Variants in LINGO1 observed in about 807,000 individuals in gnomAD.
LINGO1 encodes the protein leucine rich repeat and Ig domain containing 1, also known as leucine-rich repeat and immunoglobulin-like domain-containing nogo receptor-interacting protein 1.
In LINGO1, 11 loss-of-function variants were observed where a neutral mutation model predicts 37.3. That is an observed-to-expected ratio of 0.29 (90% CI 0.19 to 0.49). LINGO1 has a LOEUF of 0.49. Ranked by LOEUF, LINGO1 falls within the 20% of genes least tolerant of loss-of-function variation. The probability of loss-of-function intolerance (pLI) is 0.99; values close to 1 mark genes in which losing one functional copy is unlikely to be tolerated. For synonymous variants in LINGO1, 387 were observed against 403.0 expected (o/e 0.96, Z 0.48); for missense variants, 585 against 878.2 (o/e 0.67, Z 4.22).
chr15:77,718,317 G>A (rs1039500177), intron 2 of LINGO1, among the ~76,000 whole-genome samples: 4 of 150,890 alleles, frequency 2.7e-5, no homozygotes, highest in South Asian at 4.2e-4. Flanking sequence ...GAATGCACAC[G>A]CTCATGCATA....
chr15:77,659,220 G>A (rs775427010), intron 3 of LINGO1, among the ~76,000 whole-genome samples: 4 of 152,138 alleles, frequency 2.6e-5, no homozygotes, highest in Non-Finnish European at 5.9e-5. Context: ...GGCTGGTCAT[G>A]GCTCTGTACA....
chr15:77,761,932 AG>A (rs1466834454), intron 1 of LINGO1, among the ~76,000 whole-genome samples: 1 of 152,180 alleles, frequency 6.6e-6, no homozygotes, highest in East Asian at 1.9e-4. Context: ...TGAGTGATGG[AG>A]TGAGGCCGGG....
chr15:77,768,397 C>T (rs1370431279), intron 1 of LINGO1, among the ~76,000 whole-genome samples: 3 of 152,194 alleles, frequency 2.0e-5, no homozygotes, highest in East Asian at 1.9e-4. Context: ...AAATATTTTT[C>T]GAGTGCCTCC....
At chr15:77,698,510 G>A (rs1030356811), upstream of LINGO1, among the ~76,000 whole-genome samples, 1 of 152,228 alleles carries the variant, frequency 6.6e-6, no homozygotes, top group African/African-American at 2.4e-5. Context: ...GTTGGGGAAG[G>A]GGCGGGGTCA....
chr15:77,801,242 C>G (rs1054686766), intron 1 of LINGO1, among the ~76,000 whole-genome samples: 2 of 152,042 alleles, frequency 1.3e-5, no homozygotes, highest in Non-Finnish European at 1.5e-5. Context: ...CTGGTAAGAC[C>G]GAAAAAGAAA....
chr15:77,747,662 G>A (rs902692042), intron 1 of LINGO1, among the ~76,000 whole-genome samples: 3 of 152,228 alleles, frequency 2.0e-5, no homozygotes, highest in African/African-American at 4.8e-5. Context: ...GGGGAGGGGA[G>A]TGGAAGAAGG....
chr15:77,817,988 G>T lies in LINGO1; in HGVS notation c.-458+2270C>A, dbSNP rs559532640. On this transcript the variant is annotated intron_variant, in intron 1 of 5. Transcript: ENST00000562933. ...CAGAGACCCAGGTAGATACTGACTGGTCCAGCCACCACACCCCTCCACACA... is the reference window on the plus strand; with the variant it reads ...CAGAGACCCAGGTAGATACTGACTGTTCCAGCCACCACACCCCTCCACACA... Among the ~76,000 whole-genome samples, 13 of 152,266 alleles carry T rather than the reference G, an allele frequency of 8.5e-5. 1 individual carries two copies. The South Asian group carries it at 2.5e-3, about 29-fold the overall frequency.
intron 1 of LINGO1, among the ~76,000 whole-genome samples, chr15:77,776,645 A>G (rs898599323): frequency 5.9e-5 from 9 of 152,060 alleles, no homozygotes; most frequent in Non-Finnish European, 1.3e-4. Context: ...ATGGCTGTGC[A>G]GGAGGCTGGT....
intron 1 of LINGO1, among the ~76,000 whole-genome samples, chr15:77,623,069 C>T (rs1311638115): frequency 1.3e-5 from 2 of 152,200 alleles, no homozygotes; most frequent in Non-Finnish European, 2.9e-5. Flanking sequence ...CAGACGCACC[C>T]ACATCAAAGG....
At position 77,800,635 on chromosome 15, in the gene LINGO1, C is replaced by T. The variant is rs548992391; in HGVS notation, c.-457-4582G>A. On this transcript the variant is annotated intron_variant, in intron 1 of 5. Transcript: ENST00000562933. ...ATAAAATTCTTATTTGAAATGAAAT[C>T]TGATGCAGTGGAGGAAGCGTTTATA... Among the ~76,000 whole-genome samples, 14 of 152,314 alleles carry T rather than the reference C, an allele frequency of 9.2e-5. No individual in the cohort carries two copies. The South Asian group carries it at 2.7e-3, about 29-fold the overall frequency.
chr15:77,728,731 C>T (rs900710580), intron 2 of LINGO1, among the ~76,000 whole-genome samples: 1 of 152,258 alleles, frequency 6.6e-6, no homozygotes, highest in Non-Finnish European at 1.5e-5. Flanking sequence ...GTCCAGACTG[C>T]CGAGGTTCAA....
intron 2 of LINGO1, chr15:77,707,246 G>GTC (rs1178017138): frequency 1.3e-5 from 2 of 152,274 alleles, no homozygotes. Flanking sequence ...CCAAATGGAA[G>GTC]TCTGCTCCAC....
At chr15:77,649,397 C>T (rs1040255517) in intron 3 of LINGO1, among the ~76,000 whole-genome samples, 4 of 152,190 alleles carry the variant, frequency 2.6e-5, no homozygotes, top group African/African-American at 9.7e-5. Flanking sequence ...AGTGGGAATG[C>T]CTGTTTAGTA....
chr15:77,645,242 G>A (rs553182557), intron 3 of LINGO1, among the ~76,000 whole-genome samples: 2 of 152,326 alleles, frequency 1.3e-5, no homozygotes, highest in African/African-American at 4.8e-5. Context: ...GAGGGCACTG[G>A]GAGGAAGGAG....
At chr15:77,793,885 A>G (rs1343236445) in intron 2 of LINGO1, among the ~76,000 whole-genome samples, 2 of 152,248 alleles carry the variant, frequency 1.3e-5, no homozygotes, top group Non-Finnish European at 2.9e-5. Flanking sequence ...TATAGAGAAC[A>G]CACATTACTT....
At chr15:77,695,397 A>G (rs2075673889) in intron 1 of LINGO1, among the ~76,000 whole-genome samples, 1 of 152,136 alleles carries the variant, frequency 6.6e-6, no homozygotes, top group African/African-American at 2.4e-5. Context: ...GGAACCCTGC[A>G]GGGGCCAGAA....
intron 2 of LINGO1, among the ~76,000 whole-genome samples, chr15:77,731,087 G>A (rs2076150320): frequency 6.6e-6 from 1 of 152,202 alleles, no homozygotes; most frequent in Non-Finnish European, 1.5e-5. Context: ...TCTTAGCTGA[G>A]AATTATTTTT....
At chr15:77,689,913 C>G (rs2075574367) in intron 2 of LINGO1, among the ~76,000 whole-genome samples, 1 of 152,236 alleles carries the variant, frequency 6.6e-6, no homozygotes, top group Non-Finnish European at 1.5e-5. Context: ...TACTGAGAAA[C>G]TGCTAGATGT....
At chr15:77,815,146 A>G (rs1458044583) in intron 1 of LINGO1, among the ~76,000 whole-genome samples, 1 of 152,184 alleles carries the variant, frequency 6.6e-6, no homozygotes, top group Non-Finnish European at 1.5e-5. Context: ...TAGATCCAGA[A>G]GACCATGGTG....
Sources: allele counts gnomAD v4.1 joint callset (sites outside exome capture counted in the v4.1 genomes callset), GRCh38; gene constraint gnomAD v4.1.1; transcripts MANE v1.5; gene names NCBI Gene and HGNC (gene_info 2026-07-23, HGNC 2026-07-21).